Variants in SLC9A4 observed in about 807,000 individuals in gnomAD.
The protein encoded by SLC9A4 is solute carrier family 9 member A4, also known as sodium/hydrogen exchanger 4.
A neutral mutation model predicts 67.4 loss-of-function variants in SLC9A4; 63 were observed. The observed-to-expected ratio is 0.93, with a 90% CI of 0.76 to 1.15. The LOEUF (loss-of-function observed/expected upper bound fraction) is 1.15, where lower values mean the gene tolerates loss of function less well. Ranked by LOEUF, SLC9A4 falls within the 50% of genes most tolerant of loss-of-function variation. The probability of loss-of-function intolerance (pLI) is 0.00; values close to 1 mark genes in which losing one functional copy is unlikely to be tolerated. For synonymous variants in SLC9A4, 393 were observed against 367.2 expected, an observed-to-expected ratio of 1.07 and a Z score of -0.80; for missense variants, 1,089 against 987.7, an observed-to-expected ratio of 1.10 and a Z score of -1.38.
At position 102,474,016 on chromosome 2, in the gene SLC9A4, G is replaced by T; in HGVS notation, c.256+1G>T. 6.2e-7 allele frequency: 1 copy of T among 1,612,604 alleles called. No homozygotes were observed. The highest frequency in any genetic ancestry group is 8.5e-7 in the Non-Finnish European group (1 of 1,178,998). On this transcript the variant is annotated splice_donor_variant, in intron 1 of 11. Transcript: ENST00000295269. LOFTEE classifies it high-confidence loss of function. ...CTTCTAGCATCCCTTGCAAAAATAG[G>T]TAAGTCCTTAAACACCTGGTTTGGT...
At chr2:102,496,693 C>T (rs1309668444) in intron 2 of SLC9A4, among the ~76,000 whole-genome samples, 1 of 152,094 alleles carries the variant, frequency 6.6e-6, no homozygotes, top group South Asian at 2.1e-4. Context: ...TGTCTATGGG[C>T]AGAATTTATG....
chr2:102,510,202 G>T (rs60648095), intron 6 of SLC9A4, among the ~76,000 whole-genome samples: 7 of 148,586 alleles, frequency 4.7e-5, no homozygotes, highest in South Asian at 2.1e-4. Flanking sequence ...GATATAGATA[G>T]ATATAGATAT....
At chr2:102,497,275 C>G (rs1684829184) in intron 2 of SLC9A4, among the ~76,000 whole-genome samples, 1 of 152,312 alleles carries the variant, frequency 6.6e-6, no homozygotes, top group South Asian at 2.1e-4. Flanking sequence ...TTTCTTAAAA[C>G]TTTCACGTGT....
At chr2:102,530,226 C>A (rs933111942) in intron 11 of SLC9A4, among the ~76,000 whole-genome samples, 3 of 152,090 alleles carry the variant, frequency 2.0e-5, no homozygotes, top group Non-Finnish European at 2.9e-5. Context: ...GCCCGCCCTG[C>A]GCTGAGCAGA....
chr2:102,524,552 GGAATT>G (rs1031953246), intron 9 of SLC9A4, among the ~76,000 whole-genome samples: 3 of 141,114 alleles, frequency 2.1e-5, no homozygotes, highest in African/African-American at 8.3e-5. Context: ...AATGGTGATA[GGAATT>G]GTGTGTGTGT....
intron 3 of SLC9A4, among the ~76,000 whole-genome samples, chr2:102,504,358 G>A (rs1045991977): frequency 3.9e-5 from 6 of 152,198 alleles, no homozygotes; most frequent in Non-Finnish European, 8.8e-5. Context: ...ATGCACGAGG[G>A]ACTGACATTC....
At chr2:102,522,562 C>T (rs2104446899) in intron 9 of SLC9A4, among the ~76,000 whole-genome samples, 1 of 152,188 alleles carries the variant, frequency 6.6e-6, no homozygotes, top group African/African-American at 2.4e-5. Flanking sequence ...GCAGCCTCCT[C>T]CCAAGTCTAG....
chr2:102,489,769 C>T (rs1573332737), intron 2 of SLC9A4, among the ~76,000 whole-genome samples: 3 of 152,230 alleles, frequency 2.0e-5, no homozygotes, highest in Middle Eastern at 6.8e-3. Flanking sequence ...TTTTTTTCCC[C>T]TCATTTAGGA....
At chr2:102,474,139 C>T in intron 1 of SLC9A4, 124 bp downstream of exon 1, 2 of 1,176,498 alleles carry the variant, frequency 1.7e-6, no homozygotes, top group Non-Finnish European at 2.4e-6. Flanking sequence ...TAAAAATTCT[C>T]TTCCCTTCAG....
intron 2 of SLC9A4, among the ~76,000 whole-genome samples, chr2:102,484,312 CAAGA>C (rs935242285): frequency 1.3e-5 from 2 of 152,060 alleles, no homozygotes; most frequent in African/African-American, 4.8e-5. Flanking sequence ...CTGGGAGTGA[CAAGA>C]GAGAACCCAC....
chr2:102,531,062 C>CTTTTTTTTTT, intron 11 of SLC9A4, among the ~76,000 whole-genome samples: 1 of 116,290 alleles, frequency 8.6e-6, no homozygotes, highest in Non-Finnish European at 1.7e-5. Context: ...TACCTAAATT[C>CTTTTTTTTTT]TTTTTTTTTT....
At chr2:102,480,687 T>C (rs1303515656) in intron 2 of SLC9A4, among the ~76,000 whole-genome samples, 1 of 152,226 alleles carries the variant, frequency 6.6e-6, no homozygotes, top group African/African-American at 2.4e-5. Context: ...TTAAACAGTA[T>C]GTACATTTAA....
At position 102,512,214 on chromosome 2, in the gene SLC9A4, C is replaced by T. The variant is rs773330079; in HGVS notation, c.1500C>T (p.His500=). Residue 500 remains histidine, a synonymous_variant, in exon 7 of 12, where the codon CAC becomes CAT. Coordinates refer to ENST00000295269, the MANE Select transcript of SLC9A4 (RefSeq NM_001011552.4). ...TGTTTGTTTGGCAGCTGATGGATCA[C>T]TTAAAGGCTGGAATCGAAGATGTGT... ...NEELHIRLMD[H]LKAGIEDVCG... is the part of the protein sequence containing the mutation. 5 of 1,614,054 alleles carry T rather than the reference C, an allele frequency of 3.1e-6. No homozygotes were observed. The highest frequency in any genetic ancestry group is 3.4e-6 in the Non-Finnish European group (4 of 1,179,962).
intron 6 of SLC9A4, among the ~76,000 whole-genome samples, chr2:102,511,349 T>C (rs1685159686): frequency 6.6e-6 from 1 of 152,200 alleles, no homozygotes; most frequent in Non-Finnish European, 1.5e-5. Flanking sequence ...TTATCTCCTA[T>C]GATTTATTAT....
Position 102,473,472 on chromosome 2 carries a change from T to G in SLC9A4, c.-288T>G. 9.8e-6 allele frequency: 4 copies of G among 409,730 alleles called. No homozygotes were observed. Among genetic ancestry groups the G allele is most frequent in the African/African-American group, 2.0e-5 (1 of 49,670 alleles). 25.4% of individuals were successfully genotyped at this position (409,730 alleles called of 1,614,324 possible). ...TTTCTTTCATAAATTGCTCAAGCCATGATTGGATGGAGGTCCTCCAGGTAG... is the reference window on the plus strand; with the variant it reads ...TTTCTTTCATAAATTGCTCAAGCCAGGATTGGATGGAGGTCCTCCAGGTAG... On this transcript the variant is annotated 5_prime_UTR_variant, in exon 1 of 12. It removes an upstream start codon present in the reference 5' UTR. Transcript: ENST00000295269.
intron 6 of SLC9A4, among the ~76,000 whole-genome samples, chr2:102,511,696 A>G (rs995217884): frequency 6.6e-6 from 1 of 152,076 alleles, no homozygotes; most frequent in Non-Finnish European, 1.5e-5. Context: ...TCAAACGAGC[A>G]TATTAAAATG....
At chr2:102,531,064 T>A (rs1273859920) in intron 11 of SLC9A4, among the ~76,000 whole-genome samples, 1 of 143,618 alleles carries the variant, frequency 7.0e-6, no homozygotes, top group Non-Finnish European at 1.5e-5. Context: ...CCTAAATTCT[T>A]TTTTTTTTTT....
At chr2:102,479,978 G>C (rs187212885) in intron 2 of SLC9A4, among the ~76,000 whole-genome samples, 1 of 152,186 alleles carries the variant, frequency 6.6e-6, no homozygotes, top group African/African-American at 2.4e-5. Context: ...AGCCAGTCCC[G>C]TTGCTCAATT....
intron 2 of SLC9A4, among the ~76,000 whole-genome samples, chr2:102,496,812 G>T (rs1359548369): frequency 1.3e-5 from 2 of 152,246 alleles, no homozygotes; most frequent in African/African-American, 4.8e-5. Context: ...AGAAATCTTA[G>T]AGGCATTCCC....
Sources: gnomAD v4.1 joint callset for allele counts (sites outside exome capture counted in the v4.1 genomes callset) on GRCh38, gnomAD v4.1.1 for gene constraint, MANE v1.5 for transcripts, NCBI Gene and HGNC (gene_info 2026-07-23, HGNC 2026-07-21) for gene names.